Variants in DRC8 observed in about 807,000 individuals in gnomAD.
DRC8 encodes the protein dynein regulatory complex subunit 8.
At chr1:245,079,178 T>G in the DRC8 span, among the ~76,000 whole-genome samples, 1 of 152,198 alleles carries the variant, frequency 6.6e-6, no homozygotes, top group East Asian at 1.9e-4. Context: ...TGCCATTGCT[T>G]ATACATGTTT....
At chr1:245,111,608 A>C in the DRC8 span, among the ~76,000 whole-genome samples, 1 of 152,056 alleles carries the variant, frequency 6.6e-6, no homozygotes, top group East Asian at 1.9e-4. Context: ...ACTTTCATCA[A>C]AGGCAGCCTG....
At chr1:245,021,109 T>C in the DRC8 span, among the ~76,000 whole-genome samples, 1 of 152,164 alleles carries the variant, frequency 6.6e-6, no homozygotes, top group Non-Finnish European at 1.5e-5. Flanking sequence ...TTTTGGAAAA[T>C]ATAGTTTAAA....
the DRC8 span, among the ~76,000 whole-genome samples, chr1:244,984,776 G>A: frequency 2.6e-5 from 4 of 150,984 alleles, no homozygotes; most frequent in African/African-American, 4.9e-5. Flanking sequence ...TGGAGGTTGC[G>A]GTGAGCCGAG....
the DRC8 span, chr1:245,083,500 C>T: frequency 2.5e-6 from 4 of 1,609,440 alleles, no homozygotes; most frequent in Non-Finnish European, 3.4e-6. Flanking sequence ...TAAACTCCAG[C>T]TTATATGCAT....
At chr1:245,124,093 A>C in the DRC8 span, 1 of 178,368 alleles carries the variant, frequency 5.6e-6, no homozygotes, top group Non-Finnish European at 1.2e-5. Flanking sequence ...TTTCTTTACC[A>C]TCTCTTGGAG....
chr1:245,017,227 C>T, the DRC8 span: 1 of 1,581,734 alleles, frequency 6.3e-7, no homozygotes, highest in Admixed American at 2.0e-5. Flanking sequence ...TTTTTATTTA[C>T]TTTGTCTTTT....
chr1:245,001,370 G>A, the DRC8 span, among the ~76,000 whole-genome samples: 1 of 152,132 alleles, frequency 6.6e-6, no homozygotes, highest in Non-Finnish European at 1.5e-5. Flanking sequence ...ATACAGTGTG[G>A]TTCCCAAACT....
At chr1:245,039,091 C>A in the DRC8 span, among the ~76,000 whole-genome samples, 1 of 144,550 alleles carries the variant, frequency 6.9e-6, no homozygotes, top group Non-Finnish European at 1.5e-5. Context: ...CAGTGCACCC[C>A]CTTATTTACT....
the DRC8 span, among the ~76,000 whole-genome samples, chr1:245,010,169 A>G: frequency 2.0e-5 from 3 of 152,126 alleles, no homozygotes; most frequent in African/African-American, 4.8e-5. Flanking sequence ...CCTCTCATGC[A>G]TGTGTGTTTA....
At chr1:245,084,924 G>T in the DRC8 span, among the ~76,000 whole-genome samples, 1 of 152,124 alleles carries the variant, frequency 6.6e-6, no homozygotes, top group Non-Finnish European at 1.5e-5. Context: ...ATTACCTTCG[G>T]GATTAATTCT....
At chr1:245,106,521 T>C in the DRC8 span, among the ~76,000 whole-genome samples, 1 of 151,782 alleles carries the variant, frequency 6.6e-6, no homozygotes, top group East Asian at 1.9e-4. Context: ...TTAAATTGTA[T>C]ATTTAAAATA....
chr1:245,072,594 T>C, the DRC8 span, among the ~76,000 whole-genome samples: 2 of 152,158 alleles, frequency 1.3e-5, no homozygotes, highest in Admixed American at 1.3e-4. Context: ...GGTGAAGACT[T>C]GTTGTTATGC....
chr1:245,017,176 A>T, the DRC8 span: 2 of 1,460,286 alleles, frequency 1.4e-6, no homozygotes, highest in Non-Finnish European at 9.3e-7. Flanking sequence ...TAGTCTGGTT[A>T]TTAGAATTTT....
chr1:245,119,176 AAG>A, the DRC8 span, among the ~76,000 whole-genome samples: 1 of 152,236 alleles, frequency 6.6e-6, no homozygotes, highest in African/African-American at 2.4e-5. Flanking sequence ...AACAGAAAAA[AAG>A]AGTGTGAACT....
chr1:245,090,584 A>G, the DRC8 span, among the ~76,000 whole-genome samples: 1 of 152,206 alleles, frequency 6.6e-6, no homozygotes. Context: ...AAGAAGTTAC[A>G]CAGCAGTAAG....
the DRC8 span, among the ~76,000 whole-genome samples, chr1:244,984,279 C>T: frequency 6.6e-6 from 1 of 152,052 alleles, no homozygotes; most frequent in East Asian, 1.9e-4. Context: ...CAATCATAGA[C>T]CCACATATTG....
At chr1:245,096,661 G>C in the DRC8 span, among the ~76,000 whole-genome samples, 18 of 152,220 alleles carry the variant, frequency 1.2e-4, no homozygotes, top group African/African-American at 3.9e-4. Flanking sequence ...ACTCACAGAG[G>C]ACTTCATAGA....
At chr1:244,982,820 T>C in the DRC8 span, among the ~76,000 whole-genome samples, 1 of 152,182 alleles carries the variant, frequency 6.6e-6, no homozygotes, top group Non-Finnish European at 1.5e-5. Context: ...CCCAGCACTT[T>C]GGGAGGCTGA....
chr1:245,043,988 C>T, the DRC8 span: 1 of 152,162 alleles, frequency 6.6e-6, no homozygotes, highest in African/African-American at 2.4e-5. Flanking sequence ...GAGCGTGGCA[C>T]CTACACAGGC....
Sources: gnomAD v4.1 joint callset for allele counts (sites outside exome capture counted in the v4.1 genomes callset) on GRCh38, gnomAD v4.1.1 for gene constraint, MANE v1.5 for transcripts, NCBI Gene and HGNC (gene_info 2026-07-23, HGNC 2026-07-21) for gene names.